TENM1: variants seen among roughly 807,000 people sequenced by gnomAD.
The protein encoded by TENM1 is teneurin transmembrane protein 1, also known as teneurin-1.
TENM1 carries 35 observed loss-of-function variants against 174.8 expected under a neutral mutation model. The observed-to-expected ratio is 0.20, with a 90% confidence interval of 0.15 to 0.27. The LOEUF is 0.27. Ranked by LOEUF, TENM1 falls within the 10% of genes least tolerant of loss-of-function variation. TENM1 has a pLI of 1.00. For synonymous variants in TENM1, 781 were observed against 798.7 expected (o/e 0.98, Z 0.37); for missense variants, 1,633 against 2,130.1 (o/e 0.77, Z 4.59).
chrX:124,916,504 G>T (rs965426248), intron 1 of TENM1, among the ~76,000 whole-genome samples: 1 of 110,837 alleles, frequency 9.0e-6, no homozygotes, highest in African/African-American at 3.3e-5. Flanking sequence ...TAGAGATGGG[G>T]GTCTCACTTT....
At chrX:124,723,244 T>C (rs2053358222) in intron 4 of TENM1, among the ~76,000 whole-genome samples, 1 of 112,126 alleles carries the variant, frequency 8.9e-6, no homozygotes, top group Non-Finnish European at 1.9e-5. Flanking sequence ...ATCTCACTAC[T>C]GTACAGAAAT....
chrX:125,178,571 C>G, the TENM1 span, among the ~76,000 whole-genome samples: 1 of 111,312 alleles, frequency 9.0e-6, no homozygotes, highest in Non-Finnish European at 1.9e-5. Flanking sequence ...AGAAAAAGGT[C>G]AATCTGTATG....
At chrX:125,176,900 G>A in the TENM1 span, among the ~76,000 whole-genome samples, 1 of 111,339 alleles carries the variant, frequency 9.0e-6, no homozygotes, top group Non-Finnish European at 1.9e-5. Flanking sequence ...GTGCAAACTG[G>A]TACTCAGCTG....
the TENM1 span, among the ~76,000 whole-genome samples, chrX:125,017,585 C>A: frequency 9.0e-6 from 1 of 111,524 alleles, no homozygotes; most frequent in African/African-American, 3.3e-5. Context: ...ATGTTTATTG[C>A]AGCACTGTTC....
the TENM1 span, among the ~76,000 whole-genome samples, chrX:125,161,591 C>G: frequency 9.0e-6 from 1 of 111,421 alleles, no homozygotes; most frequent in African/African-American, 3.3e-5. Context: ...CTGGGAAAAT[C>G]CATAGAGACA....
At chrX:124,895,032 C>T (rs1308046451) in intron 2 of TENM1, among the ~76,000 whole-genome samples, 2 of 111,604 alleles carry the variant, frequency 1.8e-5, no homozygotes, top group South Asian at 3.8e-4. Flanking sequence ...CTATTTAGGA[C>T]GTGATATTCT....
In TENM1 at chrX:124,604,692, T is replaced by A. The variant is rs754437826; in HGVS notation, c.2077+37099A>T. Reference sequence around the variant, plus strand: ...TCCTAACTTACAGGAATGTTGGAAATATAGTGTAACTATTTGAAAAACACT... The same window carrying A: ...TCCTAACTTACAGGAATGTTGGAAAAATAGTGTAACTATTTGAAAAACACT... On this transcript the variant is annotated intron_variant, in intron 11 of 31. Coordinates refer to ENST00000422452, the Ensembl canonical transcript of TENM1. Among the ~76,000 whole-genome samples, 16 of 110,997 alleles carry A rather than the reference T, an allele frequency of 1.4e-4. No individual in the cohort carries two copies. In the East Asian group the frequency reaches 4.6e-3, roughly 32 times the overall value.
At chrX:125,160,030 T>C in the TENM1 span, among the ~76,000 whole-genome samples, 1 of 108,719 alleles carries the variant, frequency 9.2e-6, no homozygotes, top group African/African-American at 3.4e-5. Flanking sequence ...TGAAACCCTG[T>C]CTCTACTAAA....
At chrX:124,719,794 A>G (rs1440346060) in intron 4 of TENM1, among the ~76,000 whole-genome samples, 1 of 112,350 alleles carries the variant, frequency 8.9e-6, no homozygotes, top group Admixed American at 9.4e-5. Flanking sequence ...CTTGGCAAAT[A>G]TAATATTAAA....
At chrX:124,406,821 G>A (rs1188785635) in intron 25 of TENM1, among the ~76,000 whole-genome samples, 1 of 111,218 alleles carries the variant, frequency 9.0e-6, no homozygotes, top group Admixed American at 9.6e-5. Context: ...GATTTGGGTC[G>A]ATCCCATTAG....
intron 10 of TENM1, among the ~76,000 whole-genome samples, chrX:124,642,720 C>A: frequency 9.0e-6 from 1 of 111,592 alleles, no homozygotes; most frequent in Non-Finnish European, 1.9e-5. Context: ...AATGTGTATA[C>A]TGTTTTAGAG....
chrX:124,489,581 T>A (rs1383509783), intron 20 of TENM1, among the ~76,000 whole-genome samples: 1 of 111,877 alleles, frequency 8.9e-6, no homozygotes, highest in African/African-American at 3.2e-5. Context: ...TTCTGGATAT[T>A]TCATATAAAT....
chrX:124,766,081 T>C (rs916780307), intron 3 of TENM1, among the ~76,000 whole-genome samples: 1 of 111,642 alleles, frequency 9.0e-6, no homozygotes, highest in African/African-American at 3.3e-5. Flanking sequence ...ATTATCTCAT[T>C]TGCTCCTTAC....
the TENM1 span, among the ~76,000 whole-genome samples, chrX:125,052,216 C>T: frequency 1.8e-5 from 2 of 111,169 alleles, no homozygotes; most frequent in African/African-American, 6.5e-5. Context: ...CCCATGGGGG[C>T]GTTTAATGTG....
chrX:124,586,158 A>G lies in TENM1; in HGVS notation c.2078-20598T>C, dbSNP rs765873735. On this transcript the variant is annotated intron_variant, in intron 11 of 31. Coordinates refer to ENST00000422452, the Ensembl canonical transcript of TENM1. ...TCTGAAACTATTCCAATCAATAGAA[A>G]AAGAGGGAATCCTCCCTAACTCATT... 1.3e-3 allele frequency among the ~76,000 whole-genome samples: 139 copies of G among 110,711 alleles called. 1 individual carries two copies. Among genetic ancestry groups the G allele is most frequent in the African/African-American group, 4.4e-3 (132 of 30,225 alleles).
At chrX:124,473,602 C>A (rs1436541258) in intron 22 of TENM1, among the ~76,000 whole-genome samples, 1 of 111,402 alleles carries the variant, frequency 9.0e-6, no homozygotes, top group African/African-American at 3.3e-5. Flanking sequence ...TCCCACTTTG[C>A]AGCTATTCTG....
At chrX:125,058,411 C>T in the TENM1 span, among the ~76,000 whole-genome samples, 7 of 111,593 alleles carry the variant, frequency 6.3e-5, no homozygotes, top group Admixed American at 5.7e-4. Context: ...GCGGCAATAA[C>T]TTATCAAAAT....
the TENM1 span, among the ~76,000 whole-genome samples, chrX:125,119,522 A>T: frequency 4.5e-5 from 5 of 110,228 alleles, no homozygotes; most frequent in Non-Finnish European, 9.5e-5. Context: ...AGCAGAACAC[A>T]AAGAGTATCT....
At chrX:124,956,360 A>G (rs1278744696) in intron 1 of TENM1, among the ~76,000 whole-genome samples, 6 of 112,318 alleles carry the variant, frequency 5.3e-5, no homozygotes, top group Non-Finnish European at 1.1e-4. Context: ...AAGTTTAGAA[A>G]TAGGTTTTGT....
Sources: allele counts gnomAD v4.1 joint callset (sites outside exome capture counted in the v4.1 genomes callset), GRCh38; gene constraint gnomAD v4.1.1; transcripts MANE v1.5; gene names NCBI Gene and HGNC (gene_info 2026-07-23, HGNC 2026-07-21).